Variants in PHEX observed in about 807,000 individuals in gnomAD.
PHEX encodes phosphate-regulating neutral endopeptidase PHEX.
Under a neutral mutation model 68.0 loss-of-function variants are expected in PHEX, and 16 were observed. That is an observed-to-expected ratio of 0.24 (90% CI 0.16 to 0.36). The LOEUF is 0.36. PHEX is among the 10% of genes least tolerant of loss of function. The pLI, the probability that PHEX is intolerant of heterozygous loss-of-function variation, is 1.00. For synonymous variants in PHEX, 208 were observed against 205.1 expected (o/e 1.01, Z -0.12); for missense variants, 480 against 575.5 (o/e 0.83, Z 1.70).
intron 8 of PHEX, chrX:22,097,748 A>T: frequency 1.4e-6 from 1 of 713,908 alleles, no homozygotes; most frequent in Non-Finnish European, 1.7e-6. Flanking sequence ...TGAAGAATGG[A>T]GGCATGTTAC....
At position 22,106,993 on chromosome X, in the gene PHEX, T is replaced by A. The variant is rs1284913846; in HGVS notation, c.1080-4474T>A. ...CCCACTTTAGAGATTGTGACTTAAT[T>A]GGCCTGGGGTGGCCTAGGCATGTGG... On this transcript the variant is annotated intron_variant, in intron 9 of 21. Transcript: ENST00000379374. Among the ~76,000 whole-genome samples, 29 of 111,075 alleles carry A rather than the reference T, an allele frequency of 2.6e-4. No homozygotes were observed. In the Admixed American group the frequency reaches 2.8e-3, roughly 11 times the overall value.
At chrX:22,171,899 T>C (rs937295454) in intron 13 of PHEX, 5 of 111,882 alleles carry the variant, frequency 4.5e-5, no homozygotes, top group East Asian at 2.8e-4. Flanking sequence ...CAGGTGGAGA[T>C]ATGATTCATC....
chrX:22,102,128 T>G (rs1930457485), intron 9 of PHEX, among the ~76,000 whole-genome samples: 1 of 112,016 alleles, frequency 8.9e-6, no homozygotes, highest in African/African-American at 3.2e-5. Context: ...TATTTTTGAC[T>G]ATAGTTACCT....
chrX:22,163,064 T>C (rs975770962), intron 12 of PHEX: 4 of 111,957 alleles, frequency 3.6e-5, no homozygotes, highest in African/African-American at 1.3e-4. Context: ...TCCTGGTATC[T>C]AATTTGTAGA....
intron 12 of PHEX, among the ~76,000 whole-genome samples, chrX:22,147,430 C>G (rs926700525): frequency 3.6e-5 from 4 of 110,832 alleles, no homozygotes; most frequent in African/African-American, 1.3e-4. Context: ...TATCTGGCTG[C>G]TGGTCCTGCT....
chrX:22,223,966 C>A (rs1935356105), intron 18 of PHEX, among the ~76,000 whole-genome samples: 1 of 112,232 alleles, frequency 8.9e-6, no homozygotes, highest in African/African-American at 3.2e-5. Context: ...AGAAGCAGAG[C>A]CCAAGAAGGG....
intron 13 of PHEX, among the ~76,000 whole-genome samples, chrX:22,176,402 AATATAT>A (rs1174350162): frequency 1.4e-4 from 8 of 57,834 alleles, no homozygotes; most frequent in African/African-American, 5.3e-4. Context: ...AAAAAAAAAA[AATATAT>A]ATATATATAT....
At chrX:22,151,002 C>T (rs1932846148) in intron 12 of PHEX, among the ~76,000 whole-genome samples, 1 of 111,948 alleles carries the variant, frequency 8.9e-6, no homozygotes, top group Non-Finnish European at 1.9e-5. Flanking sequence ...ACTGTAGAGG[C>T]AGAGGGTGGC....
intron 15 of PHEX, among the ~76,000 whole-genome samples, chrX:22,195,369 G>A (rs1340541322): frequency 1.8e-5 from 2 of 111,297 alleles, no homozygotes; most frequent in African/African-American, 6.5e-5. Context: ...TGAGGCAGGC[G>A]GATCACCTGA....
At chrX:22,241,359 T>G (rs773803187) in intron 20 of PHEX, among the ~76,000 whole-genome samples, 28 of 111,002 alleles carry the variant, frequency 2.5e-4, no homozygotes, top group Non-Finnish European at 4.3e-4. Flanking sequence ...ACATCACAAT[T>G]AAAAGTACTA....
chrX:22,225,732 C>CTT (rs1935472378), intron 18 of PHEX, among the ~76,000 whole-genome samples: 1 of 112,354 alleles, frequency 8.9e-6, no homozygotes. Flanking sequence ...AACATCCAGT[C>CTT]TTACCTTGAA....
chrX:22,087,842 G>A (rs1216497134), intron 5 of PHEX, among the ~76,000 whole-genome samples: 2 of 111,886 alleles, frequency 1.8e-5, no homozygotes, highest in Non-Finnish European at 3.8e-5. Context: ...TTTATCTTTA[G>A]TCAGTTGCTG....
At chrX:22,160,404 G>A (rs986282578) in intron 12 of PHEX, among the ~76,000 whole-genome samples, 8 of 110,144 alleles carry the variant, frequency 7.3e-5, no homozygotes, top group African/African-American at 2.6e-4. Context: ...CAAAAAATTA[G>A]CTGGACATGG....
At chrX:22,124,059 C>A (rs1931610630) in intron 11 of PHEX, among the ~76,000 whole-genome samples, 1 of 110,300 alleles carries the variant, frequency 9.1e-6, no homozygotes, top group African/African-American at 3.3e-5. Context: ...TCTCGATCTC[C>A]TGACCTCGTG....
intron 15 of PHEX, among the ~76,000 whole-genome samples, chrX:22,208,215 G>A (rs147903923): frequency 0.012 from 1,393 of 111,600 alleles, 20 homozygotes; most frequent in African/African-American, 0.043. Context: ...GGTAACCACT[G>A]TGATCACTTT....
chrX:22,126,805 A>G (rs767799292), intron 11 of PHEX, among the ~76,000 whole-genome samples: 105 of 109,129 alleles, frequency 9.6e-4, no homozygotes, highest in Middle Eastern at 4.7e-3. Flanking sequence ...AGAACTGCCC[A>G]TAGATCAACC....
Position 22,033,403 on chromosome X carries a change from AT to A in PHEX, c.118+286del, listed in dbSNP as rs3216804. On this transcript the variant is annotated intron_variant, in intron 1 of 21. Coordinates refer to ENST00000379374, the MANE Select transcript of PHEX (RefSeq NM_000444.6). ...CTGATTCTGTTGCATTGGGTGGAAA[AT>A]TTTTTATGTGGTACATTTAGCAAAA... 0.49 allele frequency among the ~76,000 whole-genome samples: 53,432 copies of A among 109,977 alleles called. 9,681 individuals are homozygous for A. The highest frequency in any genetic ancestry group is 0.58 in the African/African-American group (17,621 of 30,181).
At chrX:22,036,179 C>A (rs1227597003) in intron 1 of PHEX, among the ~76,000 whole-genome samples, 1 of 105,209 alleles carries the variant, frequency 9.5e-6, no homozygotes, top group South Asian at 4.4e-4. Context: ...CCTGCCTCAG[C>A]CTCCTGAGTA....
At chrX:22,085,942 C>T (rs781554734) in intron 5 of PHEX, among the ~76,000 whole-genome samples, 1 of 111,844 alleles carries the variant, frequency 8.9e-6, no homozygotes, top group Non-Finnish European at 1.9e-5. Context: ...CCCTTTAGAT[C>T]TGTTAATATT....
Sources: gnomAD v4.1 joint callset for allele counts (sites outside exome capture counted in the v4.1 genomes callset) on GRCh38, gnomAD v4.1.1 for gene constraint, MANE v1.5 for transcripts, NCBI Gene and HGNC (gene_info 2026-07-23, HGNC 2026-07-21) for gene names.